GABRP: variants seen among roughly 807,000 people sequenced by gnomAD.
GABRP encodes the protein gamma-aminobutyric acid type A receptor subunit pi.
In GABRP, 52 loss-of-function variants were observed where a neutral mutation model predicts 47.8. The ratio of observed to expected loss-of-function variants is 1.09; its 90% CI spans 0.87 to 1.37. The LOEUF (loss-of-function observed/expected upper bound fraction) is 1.37, where lower values mean the gene tolerates loss of function less well. GABRP is among the 40% of genes most tolerant of loss of function. The pLI is 0.00. For missense variants in GABRP, 525 were observed against 542.8 expected (o/e 0.97, Z 0.33); for synonymous variants, 221 against 205.8 (o/e 1.07, Z -0.63).
rs528167838 is a variant in GABRP at position 170,786,984 on chromosome 5, T to G, written c.-42-1590T>G. Among the ~76,000 whole-genome samples, 64 of 152,282 alleles carry G rather than the reference T, an allele frequency of 4.2e-4. 2 individuals carry two copies. Among genetic ancestry groups the G allele is most frequent in the African/African-American group, 1.5e-3 (61 of 41,552 alleles). Reference sequence around the variant, plus strand: ...GAGAAGAAATGGGGGGGGACTTTTTTGTTTTTGTTATGTTTTTTTAAATAG... The same window carrying G: ...GAGAAGAAATGGGGGGGGACTTTTTGGTTTTTGTTATGTTTTTTTAAATAG... On this transcript the variant is annotated intron_variant, in intron 1 of 9. Coordinates refer to ENST00000265294, the MANE Select transcript of GABRP (RefSeq NM_014211.3).
chr5:170,783,437 G>A (rs779065186), upstream of GABRP, among the ~76,000 whole-genome samples: 25 of 152,096 alleles, frequency 1.6e-4, no homozygotes, highest in Admixed American at 7.9e-4. Context: ...TTCAGAGCCC[G>A]GCATAGTGGG....
intron 3 of GABRP, among the ~76,000 whole-genome samples, chr5:170,790,173 G>A (rs1471774586): frequency 1.3e-5 from 2 of 152,328 alleles, no homozygotes; most frequent in Admixed American, 6.5e-5. Flanking sequence ...ATAAAGCAAG[G>A]AGGGAGGGAG....
chr5:170,783,018 A>C (rs1436305920), upstream of GABRP: 1 of 152,312 alleles, frequency 6.6e-6, no homozygotes, highest in Non-Finnish European at 1.5e-5. Flanking sequence ...CCAGGGAGGA[A>C]GAAGGCCTCC....
At chr5:170,796,108 A>G (rs1667561708) in intron 5 of GABRP, among the ~76,000 whole-genome samples, 1 of 152,242 alleles carries the variant, frequency 6.6e-6, no homozygotes, top group Admixed American at 6.5e-5. Context: ...TAAAGCTCCC[A>G]GAGGCCTTGG....
chr5:170,803,726 T>C (rs1483761889), intron 6 of GABRP, among the ~76,000 whole-genome samples: 1 of 150,888 alleles, frequency 6.6e-6, no homozygotes, highest in Admixed American at 6.6e-5. Context: ...TTCTTATAAA[T>C]GGAATCATGC....
intron 6 of GABRP, among the ~76,000 whole-genome samples, chr5:170,801,856 G>GGT (rs1491391136): frequency 5.9e-5 from 2 of 33,682 alleles, no homozygotes; most frequent in African/African-American, 7.7e-4. Flanking sequence ...GAAAAGTAAT[G>GGT]GGGGGGGGGT....
chr5:170,805,672 C>T, intron 6 of GABRP, 44 bp from the exon 7 acceptor site: 4 of 1,608,440 alleles, frequency 2.5e-6, no homozygotes, highest in Non-Finnish European at 3.4e-6. Flanking sequence ...CCAGTTCAAT[C>T]TGGAACACCC....
intron 2 of GABRP, 27 bp downstream of exon 2, chr5:170,788,695 C>T: frequency 6.2e-7 from 1 of 1,610,742 alleles, no homozygotes; most frequent in South Asian, 1.1e-5. Flanking sequence ...CCAGAATGGC[C>T]TCCATCTGCG....
At chr5:170,785,763 C>T (rs1765114071) in intron 1 of GABRP, among the ~76,000 whole-genome samples, 2 of 152,132 alleles carry the variant, frequency 1.3e-5, no homozygotes, top group African/African-American at 2.4e-5. Flanking sequence ...GAGGAATATG[C>T]CAAAGTGGAA....
chr5:170,804,019 C>G (rs973921304), intron 6 of GABRP, among the ~76,000 whole-genome samples: 2 of 152,194 alleles, frequency 1.3e-5, no homozygotes, highest in Non-Finnish European at 2.9e-5. Context: ...CCACCTGCCT[C>G]AGCCTCCCAA....
chr5:170,787,305 G>C (rs1765151857), intron 1 of GABRP, among the ~76,000 whole-genome samples: 1 of 152,228 alleles, frequency 6.6e-6, no homozygotes, highest in African/African-American at 2.4e-5. Flanking sequence ...CCACAGAGAA[G>C]GTAATCAACC....
chr5:170,792,894 C>T (rs1055689064), intron 3 of GABRP, among the ~76,000 whole-genome samples: 6 of 152,128 alleles, frequency 3.9e-5, no homozygotes, highest in Admixed American at 2.0e-4. Flanking sequence ...GAGGTACCCC[C>T]GGGGGTTATT....
rs555226193 is a variant in GABRP, at chr5:170,794,214, GT to G, written c.173-8del. On this transcript the variant is annotated splice_polypyrimidine_tract_variant and intron_variant, in intron 3 of 9. Coordinates refer to ENST00000265294, the MANE Select transcript of GABRP (RefSeq NM_014211.3). ...CATGGTTGTGTTTCCATTCTTTCTT[GT>G]TTTTTTTTATCTTAGGAGAACCCGT... 1.6e-4 allele frequency: 237 copies of G among 1,508,488 alleles called. No individual in the cohort carries two copies. The highest frequency in any genetic ancestry group is 4.0e-4 in the South Asian group (33 of 83,230). The allele number at this position is 1,508,488 out of a possible 1,614,324, so 93.4% of individuals were successfully genotyped here. A position where few individuals can be genotyped will look rare whatever the true frequency, so the allele number is the denominator to read the frequency against.
At chr5:170,785,488 C>G (rs1765101932) in intron 1 of GABRP, among the ~76,000 whole-genome samples, 1 of 152,126 alleles carries the variant, frequency 6.6e-6, no homozygotes, top group African/African-American at 2.4e-5. Flanking sequence ...TCTTTTCTTC[C>G]CTTATAAAAT....
intron 8 of GABRP, 63 bp downstream of exon 8, chr5:170,808,815 T>G: frequency 1.4e-6 from 2 of 1,453,148 alleles, no homozygotes; most frequent in Non-Finnish European, 1.9e-6. Context: ...TTTTTTTCCT[T>G]TTACCATTGT....
At chr5:170,785,698 A>C (rs1021199362) in intron 1 of GABRP, among the ~76,000 whole-genome samples, 4 of 152,146 alleles carry the variant, frequency 2.6e-5, no homozygotes, top group Non-Finnish European at 5.9e-5. Flanking sequence ...TGAAGACTGG[A>C]TGGTTCCCCA....
intron 6 of GABRP, among the ~76,000 whole-genome samples, chr5:170,801,788 A>G (rs74705870): frequency 0.012 from 1,805 of 151,772 alleles, 49 homozygotes; most frequent in African/African-American, 0.036. Flanking sequence ...CGAGAACTCT[A>G]CAGTCTAATA....
intron 2 of GABRP, 34 bp from the exon 3 acceptor site, chr5:170,789,095 C>A: frequency 6.5e-7 from 1 of 1,542,968 alleles, no homozygotes; most frequent in Non-Finnish European, 9.0e-7. Flanking sequence ...CACACATAAA[C>A]AAGCAAACAC....
intron 3 of GABRP, among the ~76,000 whole-genome samples, chr5:170,791,235 G>T (rs1027499828): frequency 6.6e-6 from 1 of 152,202 alleles, no homozygotes; most frequent in African/African-American, 2.4e-5. Flanking sequence ...TCCCACCTGG[G>T]GTGAAAATGG....
Sources: allele counts gnomAD v4.1 joint callset (sites outside exome capture counted in the v4.1 genomes callset), GRCh38; gene constraint gnomAD v4.1.1; transcripts MANE v1.5; gene names NCBI Gene and HGNC (gene_info 2026-07-23, HGNC 2026-07-21).